Variants in ZBTB48 observed in about 807,000 individuals in gnomAD.
The protein encoded by ZBTB48 is zinc finger and BTB domain containing 48, also known as zinc finger and BTB domain-containing protein 48.
A neutral mutation model predicts 64.5 loss-of-function variants in ZBTB48; 35 were observed. The observed-to-expected ratio is 0.54, with a 90% CI of 0.41 to 0.72. The LOEUF (loss-of-function observed/expected upper bound fraction) is 0.72, where lower values mean the gene tolerates loss of function less well. Ranked by LOEUF, ZBTB48 falls within the 30% of genes least tolerant of loss-of-function variation. ZBTB48 has a pLI of 0.00. For missense variants in ZBTB48, 828 were observed against 895.3 expected, an observed-to-expected ratio of 0.92 and a Z score of 0.96; for synonymous variants, 442 against 356.7, an observed-to-expected ratio of 1.24 and a Z score of -2.70.
rs1557818918 is a variant in ZBTB48, at chr1:6,582,162, T to C, written c.795T>C (p.Cys265=). The C allele has an allele frequency of 6.2e-7, 1 of 1,614,224 alleles. No homozygotes were observed. ...RRKSNVIRKP[C]AAEPALSAGS... The stretch of plus-strand genomic sequence containing the variant: ...AGTCAAATGTAATCCGAAAGCCCTG[T>C]GCAGCTGAGCCAGCCCTGAGCGCGG... The change falls in exon 3 of 11, where the codon TGT becomes TGC. Residue 265 remains cysteine, a synonymous_variant. Transcript: ENST00000377674.
intron 5 of ZBTB48, 155 bp downstream of exon 5, chr1:6,586,942 C>G: frequency 2.1e-6 from 2 of 942,052 alleles, no homozygotes; most frequent in South Asian, 1.4e-5. Context: ...GCCCCCTTAT[C>G]TAGGCAGGGC....
chr1:6,587,416 A>G, intron 6 of ZBTB48, 62 bp from the exon 7 acceptor site: 1 of 1,609,298 alleles, frequency 6.2e-7, no homozygotes, highest in Non-Finnish European at 8.5e-7. Flanking sequence ...TCTCCCAGGC[A>G]GCCCTTCCCT....
rs776102825 is a variant in ZBTB48 at position 6,586,693 on chromosome 1, A to G, written c.1045-2A>G. On this transcript the variant is annotated splice_acceptor_variant, in intron 4 of 10. Transcript: ENST00000377674. LOFTEE classifies it high-confidence loss of function. ...GGCCCTGCTTGCCCCTCACACTGCC[A>G]GGTCTTCACGTGCTCTGTGTGCCAG... 5 of 1,540,562 alleles carry G rather than the reference A, an allele frequency of 3.2e-6. No homozygotes were observed. The highest frequency in any genetic ancestry group is 3.5e-6 in the Non-Finnish European group (4 of 1,142,428).
Position 6,581,145 on chromosome 1 carries a change from C to T in ZBTB48, c.536C>T (p.Ser179Phe), listed in dbSNP as rs758335619. The T allele has an allele frequency of 3.1e-6, 5 of 1,613,394 alleles. No homozygotes were observed. Among genetic ancestry groups the T allele is most frequent in the Admixed American group, 1.7e-5 (1 of 60,008 alleles). Residue 179 changes from serine to phenylalanine, a missense_variant, in exon 2 of 11, where the codon TCC (serine) becomes TTC (phenylalanine). Coordinates refer to ENST00000377674, the MANE Select transcript of ZBTB48 (RefSeq NM_005341.4). Reference protein sequence around the residue: ...SHSPQRPQLHSPAQSEGPSSL... With the variant: ...SHSPQRPQLHFPAQSEGPSSL... ...AGTCCTCAGAGGCCCCAGCTCCATT[C>T]CCCAGCTCAGAGTGAGGGCCCCTCC... is the stretch of plus-strand genomic sequence containing the variant.
Position 6,586,082 on chromosome 1 carries a change from G to A in ZBTB48, c.1044+52G>A, listed in dbSNP as rs368198299. The A allele has an allele frequency of 5.6e-5, 89 of 1,576,548 alleles. No individual in the cohort carries two copies. The African/African-American group carries it at 1.0e-3, about 18-fold the overall frequency. On this transcript the variant is annotated intron_variant, in intron 4 of 10. Coordinates refer to ENST00000377674, the MANE Select transcript of ZBTB48 (RefSeq NM_005341.4). ...GTGGGCAGGGCACACTGGCCTCTCT[G>A]TCTTCGTGCCATCCGGGAAGGGCCC...
At chr1:6,581,336 TAGAG>T (rs755662623) in intron 2 of ZBTB48, 37 bp downstream of exon 2, 3 of 1,530,228 alleles carry the variant, frequency 2.0e-6, no homozygotes, top group Non-Finnish European at 2.6e-6. Context: ...GGGAGACAAA[TAGAG>T]GGAATAGACA....
rs773807087 is a variant in ZBTB48 at position 6,589,114 on chromosome 1, G to C, written c.1969G>C (p.Gly657Arg). The C allele has an allele frequency of 1.2e-6, 2 of 1,607,472 alleles. No individual in the cohort carries two copies. Among genetic ancestry groups the C allele is most frequent in the Non-Finnish European group, 1.7e-6 (2 of 1,177,606 alleles). ...GGGCGGCCTGGCCTCCCAGCTCCCC[G>C]GCCAGAGACTGTGTGCAGAGGAGAG... Reference protein sequence around the residue: ...AQGGLASQLPGQRLCAEESFT... With the variant: ...AQGGLASQLPRQRLCAEESFT... Residue 657 changes from glycine to arginine, a missense_variant, in exon 11 of 11, where the codon GGC becomes CGC. Physicochemically the swap from Gly to Arg is moderately radical, Grantham distance 125. Coordinates refer to ENST00000377674, the MANE Select transcript of ZBTB48 (RefSeq NM_005341.4).
intron 9 of ZBTB48, 140 bp from the exon 10 acceptor site, chr1:6,588,616 A>G (rs1324061867): frequency 2.8e-6 from 4 of 1,451,022 alleles, no homozygotes; most frequent in Non-Finnish European, 9.3e-7. Context: ...CCTGGGTGGC[A>G]CTGGAGAGCC....
rs1479898228 is a variant in ZBTB48 at position 6,581,195 on chromosome 1, G to A, written c.586G>A (p.Ala196Thr). The A allele has an allele frequency of 6.2e-7, 1 of 1,613,366 alleles. No individual in the cohort carries two copies. Among genetic ancestry groups the A allele is most frequent in the East Asian group, 2.2e-5 (1 of 44,886 alleles). Residue 196 changes from alanine (A) to threonine (T), a missense_variant, in exon 2 of 11, where the codon GCC becomes ACC. Physicochemically the swap from Ala to Thr is moderately conservative, Grantham distance 58 (BLOSUM62 0). Coordinates refer to ENST00000377674, the MANE Select transcript of ZBTB48 (RefSeq NM_005341.4). ...CTCCCTCTGTGGGAAACTGAAGCAGGCCTTGAAGCCTTGTCCCCTTGAGGA... is the reference window on the plus strand; with the variant it reads ...CTCCCTCTGTGGGAAACTGAAGCAGACCTTGAAGCCTTGTCCCCTTGAGGA... ...PSSLCGKLKQ[A>T]LKPCPLEDKK...
Position 6,587,569 on chromosome 1 carries a change from A to G in ZBTB48, c.1316A>G (p.Glu439Gly). Residue 439 changes from glutamate to glycine, a missense_variant, in exon 7 of 11, where the codon GAG becomes GGG. Transcript: ENST00000377674. ...KHRGEKLFVC[E>G]ECGHRASSRN... ...CGTGGTGAGAAGCTGTTTGTGTGTG[A>G]GGAGTGTGGGCACCGGGCCTCGAGC... 6.2e-7 allele frequency: 1 copy of G among 1,613,998 alleles called. No individual in the cohort carries two copies. The highest frequency in any genetic ancestry group is 1.1e-5 in the South Asian group (1 of 91,074).
chr1:6,581,149 AGCTCAGAGT>A lies in ZBTB48; in HGVS notation c.542_550del (p.Ala181_Ser183del). 1 of 1,613,514 alleles carries A rather than the reference AGCTCAGAGT, an allele frequency of 6.2e-7. No individual in the cohort carries two copies. The highest frequency in any genetic ancestry group is 8.5e-7 in the Non-Finnish European group (1 of 1,180,018). Reference sequence around the variant, plus strand: ...CTCAGAGGCCCCAGCTCCATTCCCCAGCTCAGAGTGAGGGCCCCTCCTCCCTCTGTGGGA... The same window carrying A: ...CTCAGAGGCCCCAGCTCCATTCCCCAGAGGGCCCCTCCTCCCTCTGTGGGA... On this transcript the variant is annotated inframe_deletion, in exon 2 of 11. Coordinates refer to ENST00000377674, the MANE Select transcript of ZBTB48 (RefSeq NM_005341.4).
intron 5 of ZBTB48, chr1:6,586,995 G>C (rs1311611057): frequency 4.7e-6 from 4 of 857,980 alleles, no homozygotes; most frequent in African/African-American, 1.7e-5. Flanking sequence ...TTAGGCCCTT[G>C]TTTCTTTCCA....
chr1:6,587,740 G>A (rs1034632413), intron 7 of ZBTB48, 108 bp downstream of exon 7: 17 of 1,505,728 alleles, frequency 1.1e-5, no homozygotes, highest in South Asian at 5.2e-5. Context: ...GTGTGCCCTT[G>A]GCCTCCACCC....
Position 6,588,165 on chromosome 1 carries a change from C to T in ZBTB48, c.1485C>T (p.Cys495=), listed in dbSNP as rs1462777503. The T allele has an allele frequency of 1.2e-6, 2 of 1,614,172 alleles. No homozygotes were observed. The highest frequency in any genetic ancestry group is 1.7e-6 in the Non-Finnish European group (2 of 1,180,036). The change falls in exon 8 of 11, where the codon TGC becomes TGT. Residue 495 remains cysteine (C), a synonymous_variant. Transcript: ENST00000377674. ...ACACGGGTGAGAAGCCCTTCCAGTGCCACCTCTGTGGCAAGACCTTCCGAA... is the reference window on the plus strand; with the variant it reads ...ACACGGGTGAGAAGCCCTTCCAGTGTCACCTCTGTGGCAAGACCTTCCGAA... The part of the protein sequence containing the change: ...RTHTGEKPFQ[C]HLCGKTFRTQ...
At chr1:6,587,387 TC>T in intron 6 of ZBTB48, 90 bp from the exon 7 acceptor site, 1 of 1,608,350 alleles carries the variant, frequency 6.2e-7, no homozygotes, top group Non-Finnish European at 8.5e-7. Flanking sequence ...TTTCTGTTGT[TC>T]GGGGGGGTGC....
In ZBTB48 at chr1:6,589,189, G is replaced by A. The variant is rs777009056; in HGVS notation, c.2044G>A (p.Val682Ile). ...GCCCTCCCTCATCATCACAGCTGCT[G>A]TCCCCGAGGACTGTGACACATAGCC... is the stretch of plus-strand genomic sequence containing the variant. ...LEPSLIITAA[V>I]PEDCDT Residue 682 changes from valine (V) to isoleucine (I), a missense_variant, in exon 11 of 11, where the codon GTC (valine) becomes ATC (isoleucine). By Grantham distance (29) the Val-to-Ile change is conservative. Transcript: ENST00000377674. 2.0e-6 allele frequency: 3 copies of A among 1,529,484 alleles called. No homozygotes were observed. The highest frequency in any genetic ancestry group is 1.3e-5 in the South Asian group (1 of 77,780). 94.7% of individuals were successfully genotyped at this position (1,529,484 alleles called of 1,614,324 possible).
intron 3 of ZBTB48, 184 bp from the exon 4 acceptor site, chr1:6,585,735 C>T (rs980020457): frequency 5.3e-5 from 32 of 608,690 alleles, no homozygotes; most frequent in South Asian, 2.5e-4. Flanking sequence ...AGCTTCTTGC[C>T]ACTGCACTCT....
chr1:6,586,506 T>A, intron 4 of ZBTB48, 189 bp from the exon 5 acceptor site: 1 of 1,237,518 alleles, frequency 8.1e-7, no homozygotes, highest in Non-Finnish European at 1.1e-6. Context: ...AAGGGCCTGG[T>A]GTGCGGTGGG....
In ZBTB48 at chr1:6,588,856, C is replaced by A. The variant is rs983129753; in HGVS notation, c.1770+12C>A. On this transcript the variant is annotated intron_variant, in intron 10 of 10. Coordinates refer to ENST00000377674, the MANE Select transcript of ZBTB48 (RefSeq NM_005341.4). ...AGTTTACCCGACAGGTAGGCCAGGGCCTGGGCCCCTTCCCCTACCCTAGGA... is the reference window on the plus strand; with the variant it reads ...AGTTTACCCGACAGGTAGGCCAGGGACTGGGCCCCTTCCCCTACCCTAGGA... 1.2e-6 allele frequency: 2 copies of A among 1,614,022 alleles called. No homozygotes were observed. The highest frequency in any genetic ancestry group is 1.7e-6 in the Non-Finnish European group (2 of 1,180,020).
Sources: allele counts gnomAD v4.1 joint callset, GRCh38; gene constraint gnomAD v4.1.1; transcripts MANE v1.5; gene names NCBI Gene and HGNC (gene_info 2026-07-23, HGNC 2026-07-21).